STK32B: variants seen among roughly 807,000 people sequenced by gnomAD.
The protein encoded by STK32B is serine/threonine-protein kinase 32B.
Under a neutral mutation model 52.6 loss-of-function variants are expected in STK32B, and 43 were observed. That is an observed-to-expected ratio of 0.82 (90% CI 0.64 to 1.05). The LOEUF (loss-of-function observed/expected upper bound fraction) is 1.05. Ranked by LOEUF, STK32B falls within the 50% of genes least tolerant of loss-of-function variation. STK32B has a pLI of 0.00. For synonymous variants in STK32B, 238 were observed against 204.3 expected (o/e 1.17, Z -1.41); for missense variants, 621 against 534.6 (o/e 1.16, Z -1.59).
At chr4:5,238,503 T>A (rs1217596893) in intron 3 of STK32B, among the ~76,000 whole-genome samples, 2 of 152,174 alleles carry the variant, frequency 1.3e-5, no homozygotes, top group African/African-American at 4.8e-5. Context: ...TCAAATAAAT[T>A]CACCTTCTCA....
Position 5,139,905 on chromosome 4 carries a change from T to C in STK32B, c.53T>C (p.Val18Ala), listed in dbSNP as rs1577097131. The C allele has an allele frequency of 6.2e-7, 1 of 1,614,166 alleles. No individual in the cohort carries two copies. Among genetic ancestry groups the C allele is most frequent in the Middle Eastern group, 1.6e-4 (1 of 6,062 alleles). ...KPPVFDENEE[V>A]NFDHFQILRA... ...TTTCCTTTTTTGTTTTCTTTTGCAGTCAACTTTGACCATTTTCAGATTCTG... is the reference window on the plus strand; with the variant it reads ...TTTCCTTTTTTGTTTTCTTTTGCAGCCAACTTTGACCATTTTCAGATTCTG... The change falls in exon 2 of 12, where the codon GTC becomes GCC. Residue 18 changes from valine to alanine, a missense_variant and splice_region_variant. By Grantham distance (64) the Val-to-Ala change is moderately conservative (BLOSUM62 0). Transcript: ENST00000282908.
intron 3 of STK32B, among the ~76,000 whole-genome samples, chr4:5,192,944 A>G (rs1018737981): frequency 6.6e-6 from 1 of 152,040 alleles, no homozygotes; most frequent in Non-Finnish European, 1.5e-5. Context: ...AGGAACACAC[A>G]TAGGTGGAAG....
chr4:5,348,961 G>T (rs1331615363), intron 4 of STK32B, among the ~76,000 whole-genome samples: 1 of 152,122 alleles, frequency 6.6e-6, no homozygotes, highest in Non-Finnish European at 1.5e-5. Context: ...CCACCCACAT[G>T]TGCCACCTGT....
intron 3 of STK32B, among the ~76,000 whole-genome samples, chr4:5,185,178 T>C (rs182020986): frequency 6.6e-6 from 1 of 152,248 alleles, no homozygotes; most frequent in East Asian, 1.9e-4. Flanking sequence ...CCATTTCTAC[T>C]TACCTAATTG....
intron 3 of STK32B, among the ~76,000 whole-genome samples, chr4:5,258,837 C>G (rs1726511567): frequency 1.3e-5 from 2 of 152,188 alleles, no homozygotes; most frequent in African/African-American, 4.8e-5. Context: ...TGTCATTCCT[C>G]TCTTCTCAAC....
At chr4:5,090,945 A>G (rs1171735189) in intron 1 of STK32B, among the ~76,000 whole-genome samples, 1 of 152,248 alleles carries the variant, frequency 6.6e-6, no homozygotes, top group Admixed American at 6.5e-5. Context: ...AAATCTAGAT[A>G]GACTTATAAC....
At chr4:5,435,372 C>T (rs1193237091) in intron 6 of STK32B, among the ~76,000 whole-genome samples, 2 of 152,280 alleles carry the variant, frequency 1.3e-5, no homozygotes, top group Non-Finnish European at 2.9e-5. Context: ...CAGGGCTGCC[C>T]CTAGAGCTGC....
intron 3 of STK32B, among the ~76,000 whole-genome samples, chr4:5,328,841 T>C (rs1732043022): frequency 6.6e-6 from 1 of 152,120 alleles, no homozygotes; most frequent in Non-Finnish European, 1.5e-5. Context: ...GAGGCTGTAT[T>C]ACTTACATGC....
At chr4:5,238,698 C>T (rs1038947937) in intron 3 of STK32B, among the ~76,000 whole-genome samples, 2 of 152,120 alleles carry the variant, frequency 1.3e-5, no homozygotes, top group African/African-American at 2.4e-5. Context: ...CAAAGGCCAG[C>T]GTTTAGAATC....
At chr4:5,491,804 C>T (rs1434727190) in intron 11 of STK32B, among the ~76,000 whole-genome samples, 2 of 151,614 alleles carry the variant, frequency 1.3e-5, no homozygotes, top group African/African-American at 4.8e-5. Flanking sequence ...TATGGCTAGC[C>T]AGTTTTCCCA....
At chr4:5,083,345 C>T (rs893221047) in intron 1 of STK32B, among the ~76,000 whole-genome samples, 1 of 152,094 alleles carries the variant, frequency 6.6e-6, no homozygotes, top group African/African-American at 2.4e-5. Flanking sequence ...ACAAAGTCCA[C>T]TTGATTGTGG....
At chr4:5,077,368 G>T (rs1171565916) in intron 1 of STK32B, among the ~76,000 whole-genome samples, 1 of 151,890 alleles carries the variant, frequency 6.6e-6, no homozygotes, top group Non-Finnish European at 1.5e-5. Flanking sequence ...TTATCCCCCA[G>T]TCTCACCCTA....
At chr4:5,428,178 C>A (rs536602780) in intron 6 of STK32B, among the ~76,000 whole-genome samples, 2 of 151,970 alleles carry the variant, frequency 1.3e-5, no homozygotes, top group Non-Finnish European at 2.9e-5. Flanking sequence ...GAGGCCGACG[C>A]GGGCGGATCA....
chr4:5,272,247 C>T (rs1296656434), intron 3 of STK32B, among the ~76,000 whole-genome samples: 1 of 146,288 alleles, frequency 6.8e-6, no homozygotes, highest in East Asian at 2.0e-4. Flanking sequence ...GCTTTTTCTG[C>T]ATCTATTGAG....
Position 5,189,813 on chromosome 4 carries a change from G to A in STK32B, c.260+21363G>A, listed in dbSNP as rs1380725167. Among the ~76,000 whole-genome samples the A allele has an allele frequency of 2.6e-5, 4 of 152,034 alleles. No homozygotes were observed. The East Asian group carries it at 5.8e-4, about 22-fold the overall frequency. On this transcript the variant is annotated intron_variant, in intron 3 of 11. Coordinates refer to ENST00000282908, the MANE Select transcript of STK32B (RefSeq NM_018401.3). ...TTCCTGCTGCTCCCTCCACATCCTC[G>A]TCAGCACTTGGAGTTGTCAGTGTTT...
At chr4:5,062,904 C>T (rs576011811) in intron 1 of STK32B, among the ~76,000 whole-genome samples, 1 of 152,306 alleles carries the variant, frequency 6.6e-6, no homozygotes, top group Admixed American at 6.5e-5. Context: ...TTCTAGAATT[C>T]ATCCTTGCTG....
At chr4:5,318,572 T>C (rs1363262480) in intron 3 of STK32B, among the ~76,000 whole-genome samples, 2 of 152,066 alleles carry the variant, frequency 1.3e-5, no homozygotes, top group Admixed American at 6.5e-5. Flanking sequence ...TCCAGATATA[T>C]TGGGACATCA....
chr4:5,469,005 G>C lies in STK32B; in HGVS notation c.1106+935G>C, dbSNP rs1964217. On this transcript the variant is annotated intron_variant, in intron 11 of 11. Coordinates refer to ENST00000282908, the MANE Select transcript of STK32B (RefSeq NM_018401.3). The surrounding 1 kb of genome is among the most constrained non-coding windows in gnomAD (Gnocchi z 4.7). Reference sequence around the variant, plus strand: ...GCAGAGCTTGCAGTGAGCCGAGATCGCGCACACTGCACTCCAGCCTGGGCG... The same window carrying C: ...GCAGAGCTTGCAGTGAGCCGAGATCCCGCACACTGCACTCCAGCCTGGGCG... Among the ~76,000 whole-genome samples, 1 of 150,094 alleles carries C rather than the reference G, an allele frequency of 6.7e-6. No homozygotes were observed. Among genetic ancestry groups the C allele is most frequent in the African/African-American group, 2.5e-5 (1 of 40,476 alleles).
intron 4 of STK32B, among the ~76,000 whole-genome samples, chr4:5,366,672 C>T (rs1178158966): frequency 2.0e-5 from 3 of 152,200 alleles, no homozygotes; most frequent in Non-Finnish European, 4.4e-5. Flanking sequence ...GCAAACATCA[C>T]ATTGAGTGAA....
Sources: allele counts gnomAD v4.1 joint callset (sites outside exome capture counted in the v4.1 genomes callset), GRCh38; gene constraint gnomAD v4.1.1; non-coding constraint Gnocchi (gnomAD v3.1); transcripts MANE v1.5; gene names NCBI Gene and HGNC (gene_info 2026-07-23, HGNC 2026-07-21).